LRRC8D: variants seen among roughly 807,000 people sequenced by gnomAD.
LRRC8D encodes leucine rich repeat containing 8 VRAC subunit D.
Under a neutral mutation model 55.8 loss-of-function variants are expected in LRRC8D, and 20 were observed. That is an observed-to-expected ratio of 0.36 (90% CI 0.25 to 0.52). The LOEUF (loss-of-function observed/expected upper bound fraction) is 0.52. LRRC8D is among the 20% of genes least tolerant of loss of function. The pLI is 0.93. For synonymous variants in LRRC8D, 352 were observed against 377.0 expected (o/e 0.93, Z 0.77); for missense variants, 651 against 1,030.8 (o/e 0.63, Z 5.05).
chr1:89,900,812 T>C (rs1662830370), intron 2 of LRRC8D, among the ~76,000 whole-genome samples: 2 of 152,294 alleles, frequency 1.3e-5, no homozygotes, highest in Middle Eastern at 3.4e-3. Context: ...GTGTCTCCAT[T>C]GGTTTATGTG....
intron 2 of LRRC8D, among the ~76,000 whole-genome samples, chr1:89,924,796 A>G (rs1663515318): frequency 6.6e-6 from 1 of 152,154 alleles, no homozygotes; most frequent in Admixed American, 6.5e-5. Flanking sequence ...CCATTATCCT[A>G]GGCATAGTAA....
chr1:89,875,165 G>C (rs747136871), intron 2 of LRRC8D, among the ~76,000 whole-genome samples: 2 of 152,162 alleles, frequency 1.3e-5, no homozygotes, highest in African/African-American at 2.4e-5. Flanking sequence ...TTTTGGAATT[G>C]ATTGAAAATA....
At chr1:89,910,051 G>A (rs1228482085) in intron 2 of LRRC8D, among the ~76,000 whole-genome samples, 2 of 151,796 alleles carry the variant, frequency 1.3e-5, no homozygotes, top group Non-Finnish European at 2.9e-5. Context: ...GCCTAAGTGA[G>A]TTGTTTATTC....
chr1:89,932,332 T>C (rs1286616847), intron 2 of LRRC8D, among the ~76,000 whole-genome samples: 1 of 152,166 alleles, frequency 6.6e-6, no homozygotes, highest in African/African-American at 2.4e-5. Context: ...TCCATAGGAC[T>C]GCATCAAAGG....
chr1:89,857,624 A>G (rs771767483), intron 2 of LRRC8D, among the ~76,000 whole-genome samples: 30 of 152,300 alleles, frequency 2.0e-4, no homozygotes, highest in Non-Finnish European at 3.8e-4. Flanking sequence ...AGATAAGCAC[A>G]TTATCCCATA....
intron 2 of LRRC8D, among the ~76,000 whole-genome samples, chr1:89,930,613 C>G (rs1275434656): frequency 6.6e-6 from 1 of 152,074 alleles, no homozygotes; most frequent in Non-Finnish European, 1.5e-5. Context: ...GCAAAAAAAT[C>G]TATTGTTCCT....
chr1:89,860,785 A>AAAAAAAAAATATAT (rs1553123917), intron 2 of LRRC8D, among the ~76,000 whole-genome samples: 3 of 28,194 alleles, frequency 1.1e-4, no homozygotes, highest in Non-Finnish European at 2.2e-4. Flanking sequence ...AAAAAAAAAA[A>AAAAAAAAAATATAT]ATATATATAT....
At chr1:89,900,514 TA>T (rs71738758) in intron 2 of LRRC8D, among the ~76,000 whole-genome samples, 3,975 of 144,418 alleles carry the variant, frequency 0.028, 171 homozygotes, top group African/African-American at 0.097. Flanking sequence ...ATGTCCATCA[TA>T]AAAAAAAAAA....
chr1:89,872,058 G>A (rs11808805), intron 2 of LRRC8D, among the ~76,000 whole-genome samples: 6,047 of 152,264 alleles, frequency 0.04, 422 homozygotes, highest in African/African-American at 0.14. Flanking sequence ...CTCTGGCAAA[G>A]TTTCACACTT....
intron 2 of LRRC8D, among the ~76,000 whole-genome samples, chr1:89,881,848 C>T (rs1042214696): frequency 5.3e-5 from 8 of 152,214 alleles, no homozygotes; most frequent in Non-Finnish European, 1.2e-4. Flanking sequence ...TGGCCCAGAA[C>T]AGCAAGGCCA....
chr1:89,913,624 A>C (rs1384447267), intron 2 of LRRC8D, among the ~76,000 whole-genome samples: 3 of 152,244 alleles, frequency 2.0e-5, no homozygotes, highest in Non-Finnish European at 4.4e-5. Flanking sequence ...AATGCTTGCA[A>C]CATGGAATTC....
chr1:89,906,713 A>G (rs976005704), intron 2 of LRRC8D, among the ~76,000 whole-genome samples: 1 of 152,032 alleles, frequency 6.6e-6, no homozygotes. Flanking sequence ...TTATTCTTAG[A>G]TGGGCTCTGG....
At chr1:89,899,602 T>A (rs549508390) in intron 2 of LRRC8D, among the ~76,000 whole-genome samples, 1 of 152,386 alleles carries the variant, frequency 6.6e-6, no homozygotes, top group East Asian at 1.9e-4. Flanking sequence ...TTAGAACAAT[T>A]TGAACAATTA....
At chr1:89,872,302 A>G (rs1425925460) in intron 2 of LRRC8D, among the ~76,000 whole-genome samples, 1 of 152,226 alleles carries the variant, frequency 6.6e-6, no homozygotes, top group African/African-American at 2.4e-5. Context: ...ATCTGTTTTC[A>G]GAAATGTCGC....
At chr1:89,917,433 CTTAG>C (rs757900091) in intron 2 of LRRC8D, among the ~76,000 whole-genome samples, 1 of 152,144 alleles carries the variant, frequency 6.6e-6, no homozygotes, top group Non-Finnish European at 1.5e-5. Flanking sequence ...TAAAACTGCC[CTTAG>C]TTTGATGACA....
chr1:89,934,478 C>G lies in LRRC8D; in HGVS notation c.1410C>G (p.Asp470Glu). ...AGCACATTTCACGCAACGCCCAGGA[C>G]AAGCAGGAGTTGCATCTGTTCATGC... ...LRQHISRNAQDKQELHLFMLS... is the reference protein window; with the variant it reads ...LRQHISRNAQEKQELHLFMLS... Residue 470 changes from aspartate (D) to glutamate (E), a missense_variant, in exon 3 of 3, where the codon GAC becomes GAG. Physicochemically the swap from Asp to Glu is conservative, Grantham distance 45. Coordinates refer to ENST00000337338, the MANE Select transcript of LRRC8D (RefSeq NM_001134479.2). The surrounding 1 kb of genome is among the most constrained non-coding windows in gnomAD (Gnocchi z 5.9). 1 of 1,614,162 alleles carries G rather than the reference C, an allele frequency of 6.2e-7. No homozygotes were observed. The highest frequency in any genetic ancestry group is 8.5e-7 in the Non-Finnish European group (1 of 1,180,010).
At chr1:89,871,101 A>T (rs905289893) in intron 2 of LRRC8D, among the ~76,000 whole-genome samples, 1 of 152,146 alleles carries the variant, frequency 6.6e-6, no homozygotes, top group Non-Finnish European at 1.5e-5. Context: ...AAAGTTATGT[A>T]AGTTGTTTAC....
In LRRC8D at chr1:89,904,893, C is replaced by T. The variant is rs146362342; in HGVS notation, c.-2-28174C>T. On this transcript the variant is annotated intron_variant, in intron 2 of 2. Coordinates refer to ENST00000337338, the MANE Select transcript of LRRC8D (RefSeq NM_001134479.2). ...TGAGGATGAATTAAAATGTTGACCG[C>T]GTTAAAGTCATTTTGTAAGCCATCC... Among the ~76,000 whole-genome samples the T allele has an allele frequency of 6.2e-4, 95 of 152,056 alleles. 1 individual carries two copies. The East Asian group carries it at 0.013, about 22-fold the overall frequency.
At chr1:89,827,856 A>G (rs1660800257) in intron 1 of LRRC8D, among the ~76,000 whole-genome samples, 1 of 152,254 alleles carries the variant, frequency 6.6e-6, no homozygotes, top group South Asian at 2.1e-4. Context: ...GGTATACCTT[A>G]AAACTTTACA....
Sources: gnomAD v4.1 joint callset for allele counts (sites outside exome capture counted in the v4.1 genomes callset) on GRCh38, gnomAD v4.1.1 for gene constraint, Gnocchi (gnomAD v3.1) non-coding constraint, MANE v1.5 for transcripts, NCBI Gene and HGNC (gene_info 2026-07-23, HGNC 2026-07-21) for gene names.